The following RASA3 variants were observed in gnomAD, a reference collection of about 807,000 sequenced individuals.
RASA3 encodes the protein ras GTPase-activating protein 3.
Under a neutral mutation model 110.0 loss-of-function variants are expected in RASA3, and 73 were observed. The observed-to-expected ratio is 0.66, with a 90% CI of 0.55 to 0.81. The LOEUF (loss-of-function observed/expected upper bound fraction) is 0.81. Ranked by LOEUF, RASA3 falls within the 30% of genes least tolerant of loss-of-function variation. RASA3 has a pLI of 0.00. For synonymous variants in RASA3, 500 were observed against 451.4 expected, an observed-to-expected ratio of 1.11 and a Z score of -1.37; for missense variants, 976 against 1,113.2, an observed-to-expected ratio of 0.88 and a Z score of 1.75.
At chr13:114,058,100 C>A (rs1306564357) in intron 2 of RASA3, among the ~76,000 whole-genome samples, 1 of 152,176 alleles carries the variant, frequency 6.6e-6, no homozygotes, top group African/African-American at 2.4e-5. Flanking sequence ...GAAGCCCCTG[C>A]CTGACCACTC....
intron 1 of RASA3, among the ~76,000 whole-genome samples, chr13:114,128,907 G>T (rs1054946446): frequency 6.6e-6 from 1 of 151,886 alleles, no homozygotes; most frequent in Non-Finnish European, 1.5e-5. Flanking sequence ...AGCCTTTCCC[G>T]CCCTGGACCG....
At position 114,010,941 on chromosome 13, in the gene RASA3, G is replaced by A. The variant is rs1352852316; in HGVS notation, c.1590+230C>T. The stretch of plus-strand genomic sequence containing the variant: ...ATGCTGCTCCTGCCACGGGGCCGGC[G>A]ACGAGCCACAGGCTCCCGAAAAAGG... On this transcript the variant is annotated intron_variant, in intron 16 of 23. Coordinates refer to ENST00000334062, the MANE Select transcript of RASA3 (RefSeq NM_007368.4). 2.6e-5 allele frequency among the ~76,000 whole-genome samples: 4 copies of A among 152,048 alleles called. No homozygotes were observed. The East Asian group carries it at 5.8e-4, about 22-fold the overall frequency.
intron 23 of RASA3, 52 bp downstream of exon 23, chr13:113,981,623 T>C: frequency 1.4e-6 from 2 of 1,428,490 alleles, no homozygotes; most frequent in Non-Finnish European, 1.9e-6. Context: ...CCCACTGCAA[T>C]CTCCCGCCCA....
At chr13:113,994,537 G>T (rs900399713) in intron 21 of RASA3, among the ~76,000 whole-genome samples, 2 of 142,676 alleles carry the variant, frequency 1.4e-5, no homozygotes, top group Non-Finnish European at 3.0e-5. Context: ...GAGTTCATGT[G>T]GGTAATCCCA....
chr13:114,044,937 T>C (rs2079028447), intron 3 of RASA3, among the ~76,000 whole-genome samples: 1 of 152,132 alleles, frequency 6.6e-6, no homozygotes, highest in Admixed American at 6.5e-5. Flanking sequence ...AAGTCTTTAA[T>C]TTTAGAAGTA....
At position 114,048,045 on chromosome 13, in the gene RASA3, G is replaced by A. The variant is rs1442390669; in HGVS notation, c.277+4007C>T. 2.0e-5 allele frequency among the ~76,000 whole-genome samples: 3 copies of A among 152,218 alleles called. No individual in the cohort carries two copies. In the East Asian group the frequency reaches 5.8e-4, roughly 29 times the overall value. ...AGAACGGAGGTCTCGGCCGGGCGCG[G>A]TGGCTCACGCCTGTAATCCCAGCAC... On this transcript the variant is annotated intron_variant, in intron 3 of 23. Coordinates refer to ENST00000334062, the MANE Select transcript of RASA3 (RefSeq NM_007368.4). This position sits in a 1 kb window ranked among gnomAD's most constrained non-coding sequence, Gnocchi z 4.3.
Position 114,017,338 on chromosome 13 carries a change from T to C in RASA3, c.1105A>G (p.Ile369Val), listed in dbSNP as rs554249585. ...GACGCCAGTGAGTTTCCTCGGAAGA[T>C]GGTGTTGGGGTCCCTGGGAAATGGC... ...EVKRTQDPNT[I>V]FRGNSLASKC... is the part of the protein sequence containing the mutation. The change falls in exon 12 of 24, where the codon ATC becomes GTC. Residue 369 changes from isoleucine (I) to valine (V), a missense_variant. By Grantham distance (29) the Ile-to-Val change is conservative (BLOSUM62 3). Transcript: ENST00000334062. The C allele has an allele frequency of 6.2e-6, 10 of 1,613,834 alleles. No homozygotes were observed. The African/African-American group carries it at 9.3e-5, about 15-fold the overall frequency.
intron 18 of RASA3, among the ~76,000 whole-genome samples, chr13:114,004,639 T>C (rs181928494): frequency 2.6e-4 from 39 of 152,046 alleles, no homozygotes; most frequent in African/African-American, 8.7e-4. Context: ...CACGGAAAAA[T>C]GACAGACGCT....
chr13:114,126,008 G>A (rs1266017048), intron 1 of RASA3, among the ~76,000 whole-genome samples: 1 of 33,350 alleles, frequency 3.0e-5, no homozygotes. Flanking sequence ...CAGAGGTACC[G>A]GCACCTGCTG....
At chr13:114,060,065 A>C (rs138756677) in intron 2 of RASA3, among the ~76,000 whole-genome samples, 238 of 152,370 alleles carry the variant, frequency 1.6e-3, no homozygotes, top group Middle Eastern at 6.8e-3. Flanking sequence ...GAACGCATGA[A>C]TGAGGCCATG....
At position 114,018,256 on chromosome 13, in the gene RASA3, C is replaced by T. The variant is rs753895678; in HGVS notation, c.943-4G>A. 1.4e-5 allele frequency: 22 copies of T among 1,549,738 alleles called. No homozygotes were observed. The highest frequency in any genetic ancestry group is 4.9e-5 in the East Asian group (2 of 41,000). ...GGGCCGCAGACGCTGACACGGGCTGCGGGGAGGGGTGAGGTCAGTGCCAGG... is the reference window on the plus strand; with the variant it reads ...GGGCCGCAGACGCTGACACGGGCTGTGGGGAGGGGTGAGGTCAGTGCCAGG... On this transcript the variant is annotated splice_region_variant and splice_polypyrimidine_tract_variant and intron_variant, in intron 10 of 23. Coordinates refer to ENST00000334062, the MANE Select transcript of RASA3 (RefSeq NM_007368.4).
At chr13:114,119,618 G>A (rs1203275676) in intron 1 of RASA3, among the ~76,000 whole-genome samples, 1 of 84,544 alleles carries the variant, frequency 1.2e-5, no homozygotes, top group Non-Finnish European at 2.4e-5. Context: ...GCGTCGATCA[G>A]GGCCCCTCCC....
intron 8 of RASA3, 88 bp from the exon 9 acceptor site, chr13:114,021,596 G>T: frequency 9.5e-7 from 1 of 1,047,460 alleles, no homozygotes. Flanking sequence ...TCCCCCAGGA[G>T]CAGAATGGAG....
At chr13:114,018,645 C>T (rs1302330755) in intron 10 of RASA3, 118 bp downstream of exon 10, 43 of 1,286,356 alleles carry the variant, frequency 3.3e-5, no homozygotes, top group South Asian at 2.0e-4. Context: ...GGCTGGGAGG[C>T]GTGGGAAAGG....
At chr13:114,101,946 C>T (rs906160928) in intron 1 of RASA3, among the ~76,000 whole-genome samples, 4 of 152,190 alleles carry the variant, frequency 2.6e-5, no homozygotes, top group African/African-American at 9.7e-5. Context: ...ACGGGGCCCT[C>T]TCATCAGAAA....
Position 114,013,567 on chromosome 13 carries a change from C to G in RASA3, c.1406-319G>C, listed in dbSNP as rs537002550. Among the ~76,000 whole-genome samples, 181 of 112,252 alleles carry G rather than the reference C, an allele frequency of 1.6e-3. 2 individuals are homozygous for G. Among genetic ancestry groups the G allele is most frequent in the African/African-American group, 6.4e-3 (167 of 26,204 alleles). 73.6% of individuals were successfully genotyped at this position (112,252 alleles called of 152,430 possible). On this transcript the variant is annotated intron_variant, in intron 14 of 23. Coordinates refer to ENST00000334062, the MANE Select transcript of RASA3 (RefSeq NM_007368.4). The stretch of plus-strand genomic sequence containing the variant: ...CTCTCTTTGTCCCTCTGTCTCTCTC[C>G]CTATCTCTGTCTCTCTCTCTCTCTC...
chr13:114,027,300 G>A, intron 7 of RASA3, 89 bp downstream of exon 7: 1 of 1,140,634 alleles, frequency 8.8e-7, no homozygotes, highest in South Asian at 1.4e-5. Context: ...CCAGAGGGAA[G>A]AGACTGAGAT....
rs768136346 is a variant in RASA3 at position 114,013,265 on chromosome 13, C to A, written c.1406-17G>T. On this transcript the variant is annotated splice_polypyrimidine_tract_variant and intron_variant, in intron 14 of 23. Transcript: ENST00000334062. ...CCGGGTCATCTGCGGGAGAGAGAAG[C>A]AGGGTGACCGTTTTCCTCGGGCACA... is the stretch of plus-strand genomic sequence containing the variant. 2.5e-6 allele frequency: 4 copies of A among 1,596,930 alleles called. No individual in the cohort carries two copies. Among genetic ancestry groups the A allele is most frequent in the Non-Finnish European group, 3.4e-6 (4 of 1,169,550 alleles).
chr13:114,099,281 C>T (rs1024960580), intron 1 of RASA3, among the ~76,000 whole-genome samples: 1 of 152,058 alleles, frequency 6.6e-6, no homozygotes, highest in Non-Finnish European at 1.5e-5. Context: ...AAGCCACAGG[C>T]AGCTGCTGAG....
Sources: gnomAD v4.1 joint callset for allele counts (sites outside exome capture counted in the v4.1 genomes callset) on GRCh38, gnomAD v4.1.1 for gene constraint, Gnocchi (gnomAD v3.1) non-coding constraint, MANE v1.5 for transcripts, NCBI Gene and HGNC (gene_info 2026-07-23, HGNC 2026-07-21) for gene names.